ZFPM2: variants seen among roughly 807,000 people sequenced by gnomAD.
ZFPM2 encodes zinc finger protein ZFPM2.
A neutral mutation model predicts 98.6 loss-of-function variants in ZFPM2; 20 were observed. The observed-to-expected ratio is 0.20, with a 90% CI of 0.14 to 0.29. The LOEUF is 0.29. Among genes scored for constraint, ZFPM2 ranks in the 10% least tolerant of loss-of-function variants. The probability of loss-of-function intolerance (pLI) is 1.00; values close to 1 mark genes in which losing one functional copy is unlikely to be tolerated. For synonymous variants in ZFPM2, 518 were observed against 502.7 expected, an observed-to-expected ratio of 1.03 and a Z score of -0.41; for missense variants, 1,310 against 1,388.6, an observed-to-expected ratio of 0.94 and a Z score of 0.90.
At chr8:105,454,763 A>G (rs905895406) in intron 3 of ZFPM2, among the ~76,000 whole-genome samples, 5 of 152,160 alleles carry the variant, frequency 3.3e-5, no homozygotes, top group Non-Finnish European at 7.3e-5. Context: ...CTGTTCATAA[A>G]GAAAGGGGAG....
Position 105,714,916 on chromosome 8 carries a change from C to T in ZFPM2, c.533-73802C>T, listed in dbSNP as rs181198863. 1.0e-3 allele frequency among the ~76,000 whole-genome samples: 154 copies of T among 152,128 alleles called. 1 individual carries two copies. Among genetic ancestry groups the T allele is most frequent in the Admixed American group, 1.8e-3 (28 of 15,260 alleles). On this transcript the variant is annotated intron_variant, in intron 5 of 7. Transcript: ENST00000407775. ...ACAATAATTTTAGGAAATAATATTCCGATATCTGAAATTATTATCTATTTC... is the reference window on the plus strand; with the variant it reads ...ACAATAATTTTAGGAAATAATATTCTGATATCTGAAATTATTATCTATTTC...
chr8:105,508,127 A>C (rs1329862444), intron 3 of ZFPM2, among the ~76,000 whole-genome samples: 1 of 152,160 alleles, frequency 6.6e-6, no homozygotes, highest in Non-Finnish European at 1.5e-5. Context: ...ACGATTAATC[A>C]CGTAACATTT....
At chr8:105,672,430 A>G (rs1355751846) in intron 5 of ZFPM2, among the ~76,000 whole-genome samples, 3 of 151,980 alleles carry the variant, frequency 2.0e-5, no homozygotes, top group African/African-American at 7.2e-5. Flanking sequence ...CATTTTTCAT[A>G]CTTGTCTCCT....
chr8:105,408,080 A>G (rs751962925), intron 1 of ZFPM2, among the ~76,000 whole-genome samples: 15 of 151,650 alleles, frequency 9.9e-5, no homozygotes, highest in Non-Finnish European at 2.1e-4. Flanking sequence ...TATCAAAGGC[A>G]GGGGATATTT....
chr8:105,514,680 G>A (rs1384216004), intron 3 of ZFPM2, among the ~76,000 whole-genome samples: 1 of 152,108 alleles, frequency 6.6e-6, no homozygotes, highest in Non-Finnish European at 1.5e-5. Flanking sequence ...GCTACCCAGG[G>A]ATGTCTCCTG....
At chr8:105,408,858 T>A (rs1811520335) in intron 1 of ZFPM2, among the ~76,000 whole-genome samples, 1 of 151,922 alleles carries the variant, frequency 6.6e-6, no homozygotes, top group Non-Finnish European at 1.5e-5. Flanking sequence ...TTGCCCTCAC[T>A]TTGACTATTT....
chr8:105,530,488 A>G (rs928645304), intron 3 of ZFPM2, among the ~76,000 whole-genome samples: 1 of 152,130 alleles, frequency 6.6e-6, no homozygotes, highest in Non-Finnish European at 1.5e-5. Flanking sequence ...GGGTGACGTC[A>G]TGGTCAAGTT....
chr8:105,680,456 G>A (rs1001632312), intron 5 of ZFPM2, among the ~76,000 whole-genome samples: 13 of 152,156 alleles, frequency 8.5e-5, no homozygotes, highest in African/African-American at 3.1e-4. Context: ...ATGATGCCTT[G>A]GAATTGATAA....
intron 3 of ZFPM2, among the ~76,000 whole-genome samples, chr8:105,460,070 G>A (rs1812675368): frequency 6.6e-6 from 1 of 152,172 alleles, no homozygotes; most frequent in Non-Finnish European, 1.5e-5. Context: ...GGGAAAGAAT[G>A]ACTAAGCTGA....
At chr8:105,594,331 T>A (rs1815916914) in intron 4 of ZFPM2, among the ~76,000 whole-genome samples, 1 of 152,134 alleles carries the variant, frequency 6.6e-6, no homozygotes, top group African/African-American at 2.4e-5. Flanking sequence ...TGGCAGTAAA[T>A]TTTAATTTGA....
intron 5 of ZFPM2, among the ~76,000 whole-genome samples, chr8:105,681,284 C>T (rs1370719835): frequency 5.9e-5 from 9 of 152,128 alleles, no homozygotes; most frequent in Admixed American, 5.9e-4. Context: ...TCCCAGAATC[C>T]ATCCTACCAT....
intron 3 of ZFPM2, among the ~76,000 whole-genome samples, chr8:105,458,755 AAG>A (rs1157895819): frequency 6.6e-6 from 1 of 152,180 alleles, no homozygotes; most frequent in Non-Finnish European, 1.5e-5. Context: ...GAAAAGAAAA[AAG>A]AGAAGCATTT....
At chr8:105,731,228 T>C (rs574510688) in intron 5 of ZFPM2, among the ~76,000 whole-genome samples, 2 of 151,400 alleles carry the variant, frequency 1.3e-5, no homozygotes, top group African/African-American at 4.8e-5. Context: ...CTTTCCCTTA[T>C]TTTTTTTCAA....
chr8:105,375,750 T>C (rs557816897), intron 1 of ZFPM2, among the ~76,000 whole-genome samples: 1 of 152,268 alleles, frequency 6.6e-6, no homozygotes, highest in South Asian at 2.1e-4. Context: ...TGAAAGAAAA[T>C]TGGCTTATAA....
chr8:105,618,169 G>T (rs890568235), intron 4 of ZFPM2, among the ~76,000 whole-genome samples: 1 of 152,082 alleles, frequency 6.6e-6, no homozygotes, highest in African/African-American at 2.4e-5. Flanking sequence ...ACTGACTCAT[G>T]GAAGATCATT....
intron 1 of ZFPM2, among the ~76,000 whole-genome samples, chr8:105,362,915 T>A (rs1371396020): frequency 2.0e-5 from 3 of 152,198 alleles, no homozygotes; most frequent in Non-Finnish European, 4.4e-5. Flanking sequence ...CTGTTGATTT[T>A]ATTATTTAAC....
intron 4 of ZFPM2, among the ~76,000 whole-genome samples, chr8:105,613,275 G>C (rs1816343252): frequency 6.6e-6 from 1 of 152,076 alleles, no homozygotes; most frequent in Non-Finnish European, 1.5e-5. Flanking sequence ...GGGGAGGTGG[G>C]TGGTTGAGAA....
intron 5 of ZFPM2, among the ~76,000 whole-genome samples, chr8:105,655,223 CT>C (rs34262627): frequency 0.036 from 2,716 of 76,112 alleles, 20 homozygotes; most frequent in African/African-American, 0.076. Context: ...TGCATTGAGT[CT>C]TTTTTTTTTT....
At chr8:105,491,735 C>T (rs1813359910) in intron 3 of ZFPM2, among the ~76,000 whole-genome samples, 1 of 152,028 alleles carries the variant, frequency 6.6e-6, no homozygotes, top group Non-Finnish European at 1.5e-5. Context: ...CTGTTTTTTT[C>T]CCTTAACTCT....
Sources: allele counts gnomAD v4.1 joint callset (sites outside exome capture counted in the v4.1 genomes callset), GRCh38; gene constraint gnomAD v4.1.1; transcripts MANE v1.5; gene names NCBI Gene and HGNC (gene_info 2026-07-23, HGNC 2026-07-21).